The following CDH18 variants were observed in gnomAD, a reference collection of about 807,000 sequenced individuals.
CDH18 encodes cadherin 18.
CDH18 carries 31 observed loss-of-function variants against 67.9 expected under a neutral mutation model. That is an observed-to-expected ratio of 0.46 (90% CI 0.34 to 0.62). The LOEUF (loss-of-function observed/expected upper bound fraction) is 0.62, where lower values mean the gene tolerates loss of function less well. Among genes scored for constraint, CDH18 ranks in the 20% least tolerant of loss-of-function variants. CDH18 has a pLI of 0.01. For missense variants in CDH18, 890 were observed against 975.5 expected, an observed-to-expected ratio of 0.91 and a Z score of 1.17; for synonymous variants, 362 against 347.2, an observed-to-expected ratio of 1.04 and a Z score of -0.48.
intron 3 of CDH18, among the ~76,000 whole-genome samples, chr5:19,825,036 A>G (rs1780262928): frequency 6.6e-6 from 1 of 152,206 alleles, no homozygotes. Flanking sequence ...GCTGGAATGC[A>G]CAGCTTCTGG....
chr5:20,424,669 C>A (rs1748140866), intron 1 of CDH18, among the ~76,000 whole-genome samples: 1 of 134,004 alleles, frequency 7.5e-6, no homozygotes, highest in Non-Finnish European at 1.5e-5. Context: ...ATCTCTTGAT[C>A]CTGGGAGATG....
At chr5:20,231,338 A>G (rs552858303) in intron 2 of CDH18, among the ~76,000 whole-genome samples, 78 of 152,244 alleles carry the variant, frequency 5.1e-4, no homozygotes, top group South Asian at 1.0e-3. Flanking sequence ...GGCCGGGCAC[A>G]TTGGCTCGTG....
intron 2 of CDH18, among the ~76,000 whole-genome samples, chr5:19,899,655 A>G (rs569981852): frequency 1.3e-5 from 2 of 152,192 alleles, no homozygotes; most frequent in Non-Finnish European, 2.9e-5. Context: ...TCCTATGCTC[A>G]TTGCAGCACT....
intron 2 of CDH18, among the ~76,000 whole-genome samples, chr5:19,898,050 T>C (rs1418282147): frequency 1.3e-5 from 2 of 152,132 alleles, no homozygotes; most frequent in Admixed American, 1.3e-4. Context: ...AAAATGTGTT[T>C]CTTTCTGTAC....
At chr5:19,666,969 G>A (rs1464764236) in intron 5 of CDH18, among the ~76,000 whole-genome samples, 2 of 151,978 alleles carry the variant, frequency 1.3e-5, no homozygotes, top group Admixed American at 1.3e-4. Flanking sequence ...AAATCATTCA[G>A]CTTTAAATTA....
intron 5 of CDH18, among the ~76,000 whole-genome samples, chr5:19,657,430 A>G (rs1756552468): frequency 6.6e-6 from 1 of 152,130 alleles, no homozygotes; most frequent in Admixed American, 6.6e-5. Context: ...CAAATGTCTC[A>G]ATATAAAGCA....
At chr5:19,689,139 A>G (rs62351322) in intron 5 of CDH18, among the ~76,000 whole-genome samples, 31,407 of 151,986 alleles carry the variant, frequency 0.21, 3,879 homozygotes, top group Non-Finnish European at 0.26. Context: ...AAACCTCCTA[A>G]GTCTAGCAAG....
At chr5:19,509,502 C>G (rs1028626794) in intron 10 of CDH18, among the ~76,000 whole-genome samples, 1 of 152,006 alleles carries the variant, frequency 6.6e-6, no homozygotes, top group Non-Finnish European at 1.5e-5. Context: ...ATAATATAAT[C>G]GTTAATAGTA....
intron 1 of CDH18, among the ~76,000 whole-genome samples, chr5:20,275,189 A>G (rs1161687264): frequency 6.6e-6 from 1 of 152,070 alleles, no homozygotes; most frequent in Non-Finnish European, 1.5e-5. Context: ...CCCAAATCTC[A>G]TGGCAAATTG....
At chr5:19,781,968 A>G (rs1775165124) in intron 3 of CDH18, among the ~76,000 whole-genome samples, 1 of 152,216 alleles carries the variant, frequency 6.6e-6, no homozygotes, top group Admixed American at 6.5e-5. Context: ...TATTTTCTGG[A>G]AAGAAAAATA....
At position 19,472,827 on chromosome 5, in the gene CDH18, AGTG is replaced by A; in HGVS notation, c.*396_*398del. ...ATTACCTTCACAAGTTTCCTGTATT[AGTG>A]TTACCACCCCTATAAGTCATAACCA... is the stretch of plus-strand genomic sequence containing the variant. On this transcript the variant is annotated 3_prime_UTR_variant, in exon 13 of 13. Coordinates refer to ENST00000382275, the MANE Select transcript of CDH18 (RefSeq NM_004934.5). The A allele has an allele frequency of 1.8e-5, 3 of 168,724 alleles. No individual in the cohort carries two copies. Among genetic ancestry groups the A allele is most frequent in the Admixed American group, 1.1e-4 (2 of 17,946 alleles). The allele number at this position is 168,724 out of a possible 1,614,324, so 10.5% of individuals were successfully genotyped here.
chr5:20,520,511 G>T (rs1254630648), intron 1 of CDH18, among the ~76,000 whole-genome samples: 2 of 152,110 alleles, frequency 1.3e-5, no homozygotes, highest in African/African-American at 2.4e-5. Flanking sequence ...TGAGAGGAAT[G>T]CTGAGAATGG....
intron 8 of CDH18, among the ~76,000 whole-genome samples, chr5:19,563,379 G>T (rs999920428): frequency 3.3e-5 from 5 of 152,174 alleles, no homozygotes; most frequent in African/African-American, 7.2e-5. Flanking sequence ...TTGTGAAACA[G>T]TTTATGGAAT....
intron 1 of CDH18, among the ~76,000 whole-genome samples, chr5:20,294,487 C>G (rs576707242): frequency 6.6e-6 from 1 of 152,300 alleles, no homozygotes; most frequent in Non-Finnish European, 1.5e-5. Flanking sequence ...AATGTTTCCT[C>G]ATCTTATAGT....
At chr5:20,528,124 A>C (rs1561097503) in intron 1 of CDH18, among the ~76,000 whole-genome samples, 1 of 152,078 alleles carries the variant, frequency 6.6e-6, no homozygotes, top group Non-Finnish European at 1.5e-5. Context: ...AGTTTCTGAC[A>C]AAAGGTAGGC....
chr5:19,528,654 T>A (rs967264449), intron 9 of CDH18, among the ~76,000 whole-genome samples: 5 of 151,890 alleles, frequency 3.3e-5, no homozygotes, highest in African/African-American at 1.2e-4. Context: ...GATAACACAC[T>A]GAGTTATTTA....
chr5:20,478,109 G>C (rs1319789246), intron 1 of CDH18, among the ~76,000 whole-genome samples: 4 of 152,194 alleles, frequency 2.6e-5, no homozygotes, highest in Admixed American at 1.3e-4. Flanking sequence ...TATCTAGGCA[G>C]TTCTCATTGC....
At chr5:19,627,833 T>C (rs1447598645) in intron 5 of CDH18, among the ~76,000 whole-genome samples, 1 of 152,110 alleles carries the variant, frequency 6.6e-6, no homozygotes, top group African/African-American at 2.4e-5. Context: ...TCAGGTACAT[T>C]CATGGGACCA....
intron 2 of CDH18, among the ~76,000 whole-genome samples, chr5:20,052,109 C>G (rs1741476891): frequency 6.6e-6 from 1 of 152,134 alleles, no homozygotes; most frequent in Non-Finnish European, 1.5e-5. Context: ...GGGCCATGCC[C>G]AAATCTCTGA....
Sources: gnomAD v4.1 joint callset for allele counts (sites outside exome capture counted in the v4.1 genomes callset) on GRCh38, gnomAD v4.1.1 for gene constraint, MANE v1.5 for transcripts, NCBI Gene and HGNC (gene_info 2026-07-23, HGNC 2026-07-21) for gene names.